ZNF268: variants seen among roughly 807,000 people sequenced by gnomAD.
ZNF268 encodes zinc finger protein 268.
ZNF268 carries 20 observed loss-of-function variants against 29.3 expected under a neutral mutation model. The observed-to-expected ratio is 0.68, with a 90% confidence interval of 0.48 to 0.99. ZNF268 has a LOEUF of 0.99. Among genes scored for constraint, ZNF268 ranks in the 50% least tolerant of loss-of-function variants. The pLI is 0.00. For synonymous variants in ZNF268, 429 were observed against 376.9 expected (o/e 1.14, Z -1.60); for missense variants, 1,240 against 1,121.6 (o/e 1.11, Z -1.51).
rs1956878007 is a variant in ZNF268, at chr12:133,205,269, GA to G, written c.*743del. On this transcript the variant is annotated 3_prime_UTR_variant, in exon 6 of 6. Transcript: ENST00000536435. ...TATTCCAGGTGTTCCAAAATTTCAG[GA>G]AAAGGTTTGAGAAAATTCTCAATTA... The G allele has an allele frequency of 1.3e-5, 2 of 150,666 alleles. No individual in the cohort carries two copies. Among genetic ancestry groups the G allele is most frequent in the South Asian group, 4.2e-4 (2 of 4,774 alleles). 9.3% of individuals were successfully genotyped at this position (150,666 alleles called of 1,614,324 possible).
rs1479572109 is a variant in ZNF268 at position 133,191,993 on chromosome 12, G to T, written c.447G>T (p.Gln149His). The T allele has an allele frequency of 6.2e-7, 1 of 1,612,442 alleles. No homozygotes were observed. The highest frequency in any genetic ancestry group is 8.5e-7 in the Non-Finnish European group (1 of 1,178,726). ...LCMVQAQVPN[Q>H]TCPNTVWKID... is the part of the protein sequence containing the mutation. Reference sequence around the variant, plus strand: ...TGGTGCAGGCCCAAGTTCCAAATCAGACCTGTCCAAGTGAGTGATGGAGAC... The same window carrying T: ...TGGTGCAGGCCCAAGTTCCAAATCATACCTGTCCAAGTGAGTGATGGAGAC... Residue 149 changes from glutamine to histidine, a missense_variant, in exon 5 of 6, where the codon CAG becomes CAT. Physicochemically the swap from Gln to His is conservative, Grantham distance 24. Around this residue, in one of 3 missense-constraint regions of ZNF268, gnomAD observed 1,177 missense variants for 1,039.6 expected, o/e 1.13. Transcript: ENST00000536435.
At position 133,210,141 on chromosome 12, in the gene ZNF268, T is replaced by G. The variant is rs1956955934; in HGVS notation, c.*5611T>G. On this transcript the variant is annotated 3_prime_UTR_variant, in exon 6 of 6. Coordinates refer to ENST00000536435, the MANE Select transcript of ZNF268 (RefSeq NM_003415.3). Reference sequence around the variant, plus strand: ...CTCAGGGTGCAGGCCTCACTTTTCCTCATCTTTTCCTCCTGTGGCCTCCAT... The same window carrying G: ...CTCAGGGTGCAGGCCTCACTTTTCCGCATCTTTTCCTCCTGTGGCCTCCAT... 1 of 152,280 alleles carries G rather than the reference T, an allele frequency of 6.6e-6. No individual in the cohort carries two copies. Among genetic ancestry groups the G allele is most frequent in the Non-Finnish European group, 1.5e-5 (1 of 68,102 alleles). 9.4% of individuals were successfully genotyped at this position (152,280 alleles called of 1,614,324 possible). A position where few individuals can be genotyped will look rare whatever the true frequency, so the allele number is the denominator to read the frequency against.
In ZNF268 at chr12:133,204,365, G is replaced by A. The variant is rs1418341473; in HGVS notation, c.2679G>A (p.Gly893=). Residue 893 remains glycine (G), a synonymous_variant, in exon 6 of 6, where the codon GGG becomes GGA. Coordinates refer to ENST00000536435, the MANE Select transcript of ZNF268 (RefSeq NM_003415.3). The part of the protein sequence containing the change: ...QRTHSGEKPY[G]CNECGKTFSQ... ...CTCATTCAGGAGAGAAACCCTATGG[G>A]TGCAATGAATGTGGGAAAACCTTCT... 5.1e-6 allele frequency: 8 copies of A among 1,570,764 alleles called. No individual in the cohort carries two copies. The highest frequency in any genetic ancestry group is 1.4e-5 in the African/African-American group (1 of 73,806).
chr12:133,204,586 A>G lies in ZNF268; in HGVS notation c.*56A>G, dbSNP rs1299773428. 4 of 1,281,950 alleles carry G rather than the reference A, an allele frequency of 3.1e-6. No individual in the cohort carries two copies. The highest frequency in any genetic ancestry group is 4.2e-6 in the Non-Finnish European group (4 of 959,030). The allele number at this position is 1,281,950 out of a possible 1,614,324, so 79.4% of individuals were successfully genotyped here. ...ACAAGAGATAGAAACAATCATATAT[A>G]AAGAGAAACTCTGTAAGTGGAATCA... On this transcript the variant is annotated 3_prime_UTR_variant, in exon 6 of 6. Coordinates refer to ENST00000536435, the MANE Select transcript of ZNF268 (RefSeq NM_003415.3).
At chr12:133,189,467 G>A (rs1291930723) in intron 3 of ZNF268, among the ~76,000 whole-genome samples, 1 of 151,920 alleles carries the variant, frequency 6.6e-6, no homozygotes, top group Non-Finnish European at 1.5e-5. Context: ...CACCTGCCTC[G>A]GCCTCCTAAA....
chr12:133,190,948 C>T (rs1354001134), intron 3 of ZNF268, among the ~76,000 whole-genome samples: 3 of 151,914 alleles, frequency 2.0e-5, no homozygotes, highest in Non-Finnish European at 4.4e-5. Flanking sequence ...AACTTGTTTG[C>T]CTGACTGTCC....
At position 133,203,107 on chromosome 12, in the gene ZNF268, G is replaced by A. The variant is rs1437574902; in HGVS notation, c.1421G>A (p.Cys474Tyr). 29 of 1,537,492 alleles carry A rather than the reference G, an allele frequency of 1.9e-5. No homozygotes were observed. The highest frequency in any genetic ancestry group is 2.4e-5 in the Non-Finnish European group (27 of 1,146,820). ...GIHTGVKPYGCIQCGKGFSLK... is the reference protein window; with the variant it reads ...GIHTGVKPYGYIQCGKGFSLK... ...CACACAGGAGTAAAGCCCTATGGGT[G>A]TATTCAGTGTGGTAAAGGATTCAGT... Residue 474 changes from cysteine (C) to tyrosine (Y), a missense_variant, in exon 6 of 6, where the codon TGT (cysteine) becomes TAT (tyrosine). Cys to Tyr is a radical substitution (Grantham distance 194). Transcript: ENST00000536435.
At chr12:133,185,970 C>T (rs530480304) in intron 2 of ZNF268, among the ~76,000 whole-genome samples, 15 of 152,168 alleles carry the variant, frequency 9.9e-5, no homozygotes, top group African/African-American at 3.1e-4. Flanking sequence ...TTTCTTTTGC[C>T]GTTTCAACCA....
intron 1 of ZNF268, 115 bp downstream of exon 1, chr12:133,181,801 G>A: frequency 3.2e-6 from 2 of 619,680 alleles, no homozygotes; most frequent in South Asian, 1.8e-5. Context: ...TGTTGGTGAG[G>A]GTGTGGAGAT....
At chr12:133,201,911 T>G (rs888388451) in intron 5 of ZNF268, among the ~76,000 whole-genome samples, 5 of 152,090 alleles carry the variant, frequency 3.3e-5, no homozygotes, top group Non-Finnish European at 5.9e-5. Context: ...TTGGTTTTTC[T>G]TTTTCTCAGT....
chr12:133,211,215 A>G lies in ZNF268; in HGVS notation c.*6685A>G, dbSNP rs1956975290. The stretch of plus-strand genomic sequence containing the variant: ...GTGTTTGTATGCAAAATATAAAAAA[A>G]AAACCCTAAAATTGAACAAGAAGAC... On this transcript the variant is annotated 3_prime_UTR_variant, in exon 6 of 6. Coordinates refer to ENST00000536435, the MANE Select transcript of ZNF268 (RefSeq NM_003415.3). 2.8e-6 allele frequency: 1 copy of G among 354,870 alleles called. No individual in the cohort carries two copies. The highest frequency in any genetic ancestry group is 2.1e-5 in the African/African-American group (1 of 46,616). 22.0% of individuals were successfully genotyped at this position (354,870 alleles called of 1,614,324 possible).
chr12:133,194,208 A>G (rs542191202), intron 5 of ZNF268, among the ~76,000 whole-genome samples: 5 of 152,202 alleles, frequency 3.3e-5, no homozygotes, highest in African/African-American at 7.2e-5. Context: ...CATTTATTCT[A>G]TCACTAGCAT....
Position 133,202,465 on chromosome 12 carries a change from A to G in ZNF268, c.779A>G (p.Lys260Arg), listed in dbSNP as rs1014058483. ...ATTGAATCTGGAAAAACCGTCAATA[A>G]GAAATCGCAACTTATGTGCCAACAA... The part of the protein sequence containing the change: ...ESIESGKTVN[K>R]KSQLMCQQMY... Residue 260 changes from lysine to arginine, a missense_variant, in exon 6 of 6, where the codon AAG becomes AGG. Physicochemically the swap from Lys to Arg is conservative, Grantham distance 26 (BLOSUM62 2). Around this residue, in one of 3 missense-constraint regions of ZNF268, gnomAD observed 1,177 missense variants for 1,039.6 expected, o/e 1.13. Transcript: ENST00000536435. The G allele has an allele frequency of 6.4e-5, 103 of 1,611,882 alleles. No individual in the cohort carries two copies. The highest frequency in any genetic ancestry group is 8.3e-5 in the Non-Finnish European group (98 of 1,178,908).
At chr12:133,189,868 C>A (rs77981385) in intron 3 of ZNF268, among the ~76,000 whole-genome samples, 32,438 of 152,186 alleles carry the variant, frequency 0.21, 4,120 homozygotes, top group Non-Finnish European at 0.28. Flanking sequence ...AGCACAGTGG[C>A]ACGACCTCGG....
In ZNF268 at chr12:133,203,659, A is replaced by G. The variant is rs536344871; in HGVS notation, c.1973A>G (p.His658Arg). The change falls in exon 6 of 6, where the codon CAT becomes CGT. Residue 658 changes from histidine to arginine, a missense_variant. Physicochemically the swap from His to Arg is conservative, Grantham distance 29. Around this residue, in one of 3 missense-constraint regions of ZNF268, gnomAD observed 1,177 missense variants for 1,039.6 expected, o/e 1.13. Transcript: ENST00000536435. ...ACGTTCAAATCACAGCTCATTGTAC[A>G]TAAAGGAGTGCACACTGGAGTAAAA... ...AFTFKSQLIV[H>R]KGVHTGVKPY... The G allele has an allele frequency of 1.9e-6, 3 of 1,553,130 alleles. No individual in the cohort carries two copies. Among genetic ancestry groups the G allele is most frequent in the Admixed American group, 1.9e-5 (1 of 51,796 alleles).
chr12:133,199,085 G>A (rs1235045987), intron 5 of ZNF268, among the ~76,000 whole-genome samples: 1 of 152,128 alleles, frequency 6.6e-6, no homozygotes, highest in Non-Finnish European at 1.5e-5. Context: ...GAATAGGAGT[G>A]GTGAGAGAGA....
At chr12:133,183,763 A>C (rs1298446224) in intron 2 of ZNF268, among the ~76,000 whole-genome samples, 1 of 152,146 alleles carries the variant, frequency 6.6e-6, no homozygotes, top group East Asian at 1.9e-4. Flanking sequence ...GCTCAGGGAG[A>C]ATGTGTACCC....
chr12:133,204,610 C>T lies in ZNF268; in HGVS notation c.*80C>T, dbSNP rs928225920. On this transcript the variant is annotated 3_prime_UTR_variant, in exon 6 of 6. Transcript: ENST00000536435. ...TAAAGAGAAACTCTGTAAGTGGAAT[C>T]ATCTTGTCATCTTCCAGAAAACTCA... 38 of 1,078,832 alleles carry T rather than the reference C, an allele frequency of 3.5e-5. No individual in the cohort carries two copies. The African/African-American group carries it at 5.2e-4, about 15-fold the overall frequency. The allele number at this position is 1,078,832 out of a possible 1,614,324, so 66.8% of individuals were successfully genotyped here.
chr12:133,188,382 AGAG>A (rs1409202960), intron 3 of ZNF268, among the ~76,000 whole-genome samples: 1 of 151,858 alleles, frequency 6.6e-6, no homozygotes, highest in Non-Finnish European at 1.5e-5. Context: ...TTTTTAGTAG[AGAG>A]GAGGTCTCCC....
Sources: gnomAD v4.1 joint callset for allele counts (sites outside exome capture counted in the v4.1 genomes callset) on GRCh38, gnomAD v4.1.1 for gene constraint, gnomAD v4.1.1 regional missense constraint, MANE v1.5 for transcripts, NCBI Gene and HGNC (gene_info 2026-07-23, HGNC 2026-07-21) for gene names.